HACL1: variants seen among roughly 807,000 people sequenced by gnomAD.
The protein encoded by HACL1 is 1600020H07Rik.
Under a neutral mutation model 74.2 loss-of-function variants are expected in HACL1, and 64 were observed. The observed-to-expected ratio is 0.86, with a 90% CI of 0.70 to 1.06. The LOEUF (loss-of-function observed/expected upper bound fraction) is 1.06. Ranked by LOEUF, HACL1 falls within the 50% of genes least tolerant of loss-of-function variation. HACL1 has a pLI of 0.00. For missense variants in HACL1, 728 were observed against 719.7 expected (o/e 1.01, Z -0.13); for synonymous variants, 230 against 238.8 (o/e 0.96, Z 0.34).
At chr3:15,568,119 C>T in intron 13 of HACL1, 117 bp from the exon 14 acceptor site, 2 of 875,142 alleles carry the variant, frequency 2.3e-6, no homozygotes, top group Non-Finnish European at 3.5e-6. Flanking sequence ...ACCATAAAAA[C>T]ATTCTCTTTC....
Position 15,568,444 on chromosome 3 carries a change from A to G in HACL1, c.1238T>C (p.Leu413Pro), listed in dbSNP as rs1483294331. Residue 413 changes from leucine (L) to proline (P), a missense_variant, in exon 13 of 17, where the codon CTT becomes CCT. By Grantham distance (98) the Leu-to-Pro change is moderately conservative (BLOSUM62 -3). Transcript: ENST00000321169. ...TTAGAAGTCTTACCTGTGACGAGGA[A>G]GGTAGTTCTGAAGCACAGTCCGTCC... ...DIGRTVLQNY[L>P]PRHRLDAGTF... The G allele has an allele frequency of 6.3e-7, 1 of 1,590,390 alleles. No homozygotes were observed. Among genetic ancestry groups the G allele is most frequent in the Non-Finnish European group, 8.6e-7 (1 of 1,167,112 alleles).
At chr3:15,595,219 A>T (rs1185148592) in intron 3 of HACL1, among the ~76,000 whole-genome samples, 1 of 152,222 alleles carries the variant, frequency 6.6e-6, no homozygotes, top group Non-Finnish European at 1.5e-5. Context: ...CTATAATTTA[A>T]ATGCTTTCCA....
rs1453839195 is a variant in HACL1, at chr3:15,583,108, T to A, written c.555-119A>T. On this transcript the variant is annotated intron_variant, in intron 7 of 16. Transcript: ENST00000321169. ...CAATAAATCTCCATACACCCCCATG[T>A]AGATCTAACAACTTAATATCATTTT... 6 of 567,526 alleles carry A rather than the reference T, an allele frequency of 1.1e-5. No homozygotes were observed. The African/African-American group carries it at 1.2e-4, about 11-fold the overall frequency. 35.2% of individuals were successfully genotyped at this position (567,526 alleles called of 1,614,324 possible). A position where few individuals can be genotyped will look rare whatever the true frequency, so the allele number is the denominator to read the frequency against.
At chr3:15,563,309 T>TTAAAAAA in intron 16 of HACL1, 49 bp downstream of exon 16, 1 of 1,245,612 alleles carries the variant, frequency 8.0e-7, no homozygotes, top group South Asian at 1.2e-5. Flanking sequence ...TGGAGGGGGA[T>TTAAAAAA]AGGGGAAGCA....
chr3:15,586,973 A>G (rs2063806628), intron 5 of HACL1, among the ~76,000 whole-genome samples: 1 of 152,230 alleles, frequency 6.6e-6, no homozygotes, highest in Non-Finnish European at 1.5e-5. Flanking sequence ...AATTTCACAG[A>G]TAAGAATATA....
chr3:15,600,640 C>G (rs148332145), intron 2 of HACL1, among the ~76,000 whole-genome samples: 13 of 152,224 alleles, frequency 8.5e-5, no homozygotes, highest in African/African-American at 3.1e-4. Flanking sequence ...TTGGCCTTCA[C>G]TCATTTATCC....
intron 3 of HACL1, among the ~76,000 whole-genome samples, chr3:15,593,975 T>C (rs1418439815): frequency 6.6e-6 from 1 of 152,076 alleles, no homozygotes; most frequent in Non-Finnish European, 1.5e-5. Context: ...TTTTTGTATT[T>C]TTAGTAGAGA....
intron 2 of HACL1, among the ~76,000 whole-genome samples, chr3:15,600,551 G>A (rs2064190423): frequency 1.3e-5 from 2 of 152,328 alleles, no homozygotes; most frequent in South Asian, 4.1e-4. Context: ...GCTAGGATCT[G>A]AGCCATCTGA....
At chr3:15,569,291 T>C (rs1219078283) in intron 12 of HACL1, among the ~76,000 whole-genome samples, 1 of 152,194 alleles carries the variant, frequency 6.6e-6, no homozygotes, top group Non-Finnish European at 1.5e-5. Flanking sequence ...GACCCTCCTA[T>C]ACTCCTGCAC....
Position 15,591,657 on chromosome 3 carries a change from G to C in HACL1, c.251C>G (p.Ser84Cys), listed in dbSNP as rs1223424216. Reference sequence around the variant, plus strand: ...CAAGGCATGGATGAGACCTGGGCCAGAAACAACAAGGCAGACTCCTGGCCT... The same window carrying C: ...CAAGGCATGGATGAGACCTGGGCCACAAACAACAAGGCAGACTCCTGGCCT... ...TSRPGVCLVV[S>C]GPGLIHALGG... is the part of the protein sequence containing the mutation. Residue 84 changes from serine to cysteine, a missense_variant, in exon 4 of 17, where the codon TCT (serine) becomes TGT (cysteine). Transcript: ENST00000321169. 2 of 1,611,788 alleles carry C rather than the reference G, an allele frequency of 1.2e-6. No homozygotes were observed. Among genetic ancestry groups the C allele is most frequent in the Non-Finnish European group, 8.5e-7 (1 of 1,178,192 alleles).
rs73148185 is a variant in HACL1 at position 15,593,609 on chromosome 3, C to T, written c.228-1929G>A. On this transcript the variant is annotated intron_variant, in intron 3 of 16. Coordinates refer to ENST00000321169, the MANE Select transcript of HACL1 (RefSeq NM_012260.4). ...CTCTAACCACTTATTTTGATCTGGA[C>T]TACATCTGGACTAAATCAAGTTAAT... Among the ~76,000 whole-genome samples the T allele has an allele frequency of 3.9e-3, 597 of 152,180 alleles. 4 individuals are homozygous for T. The highest frequency in any genetic ancestry group is 0.013 in the African/African-American group (547 of 41,514).
chr3:15,601,046 G>T, intron 2 of HACL1, 44 bp downstream of exon 2: 1 of 1,178,798 alleles, frequency 8.5e-7, no homozygotes, highest in Non-Finnish European at 1.3e-6. Flanking sequence ...CGCTATTACT[G>T]ATCATTCCCA....
intron 14 of HACL1, among the ~76,000 whole-genome samples, chr3:15,566,734 C>A (rs1290316597): frequency 2.9e-5 from 4 of 136,756 alleles, no homozygotes; most frequent in African/African-American, 1.1e-4. Flanking sequence ...ACTATTCCTA[C>A]TTTTTTTTTT....
chr3:15,574,811 T>C (rs1574918619), intron 10 of HACL1, among the ~76,000 whole-genome samples, 166 bp downstream of exon 10: 1 of 152,222 alleles, frequency 6.6e-6, no homozygotes, highest in Non-Finnish European at 1.5e-5. Flanking sequence ...AAAGGAAGCT[T>C]ATTTTGGTAC....
Position 15,568,558 on chromosome 3 carries a change from A to G in HACL1, c.1124T>C (p.Met375Thr). ...ATGGTAGAATACTGTGTAATAATTC[A>G]TAGGCAGGGATTTTTTAGAAGCTAG... ...KELASKKSLP[M>T]NYYTVFYHVQ... The change falls in exon 13 of 17, where the codon ATG becomes ACG. Residue 375 changes from methionine (M) to threonine (T), a missense_variant. Transcript: ENST00000321169. 6.4e-7 allele frequency: 1 copy of G among 1,565,330 alleles called. No individual in the cohort carries two copies. The highest frequency in any genetic ancestry group is 8.7e-7 in the Non-Finnish European group (1 of 1,146,434).
chr3:15,566,175 A>G (rs1391423093), intron 14 of HACL1, among the ~76,000 whole-genome samples: 1 of 152,222 alleles, frequency 6.6e-6, no homozygotes, highest in East Asian at 1.9e-4. Context: ...CCAAAACATG[A>G]TTCACAAAAG....
rs757058082 is a variant in HACL1 at position 15,585,301 on chromosome 3, A to G, written c.501T>C (p.Tyr167=). The change falls in exon 7 of 17, where the codon TAT becomes TAC. Residue 167 remains tyrosine (Y), a synonymous_variant. Transcript: ENST00000321169. ...TCACAAAATCTGCTGGTATGTCAAC[A>G]TAGCAAGCACCTGGACGACCATAGA... ...SSIYGRPGAC[Y]VDIPADFVNL... 2 of 1,606,820 alleles carry G rather than the reference A, an allele frequency of 1.2e-6. No homozygotes were observed. The highest frequency in any genetic ancestry group is 4.5e-5 in the East Asian group (2 of 44,814).
chr3:15,601,376 A>T lies in HACL1; in HGVS notation c.81+7T>A. On this transcript the variant is annotated splice_region_variant and intron_variant, in intron 1 of 16. Transcript: ENST00000321169. Reference sequence around the variant, plus strand: ...GGAGCCTTTCATTCCAGGAAGGTCCATCGTACTTGCGTTTTCAGGGCCTGA... The same window carrying T: ...GGAGCCTTTCATTCCAGGAAGGTCCTTCGTACTTGCGTTTTCAGGGCCTGA... The T allele has an allele frequency of 6.2e-7, 1 of 1,614,142 alleles. No individual in the cohort carries two copies. Among genetic ancestry groups the T allele is most frequent in the Non-Finnish European group, 8.5e-7 (1 of 1,180,024 alleles).
Position 15,596,429 on chromosome 3 carries a change from G to T in HACL1, c.187-5C>A. The T allele has an allele frequency of 1.3e-6, 2 of 1,585,524 alleles. No individual in the cohort carries two copies. The highest frequency in any genetic ancestry group is 8.7e-7 in the Non-Finnish European group (1 of 1,154,140). On this transcript the variant is annotated splice_region_variant and splice_polypyrimidine_tract_variant and intron_variant, in intron 2 of 16. Transcript: ENST00000321169. Reference sequence around the variant, plus strand: ...CGCGGAGGCAGCATAACAAGCCTACGAGAAAACAACACTGGGACTTGAGCA... The same window carrying T: ...CGCGGAGGCAGCATAACAAGCCTACTAGAAAACAACACTGGGACTTGAGCA...
Sources: allele counts gnomAD v4.1 joint callset (sites outside exome capture counted in the v4.1 genomes callset), GRCh38; gene constraint gnomAD v4.1.1; transcripts MANE v1.5; gene names NCBI Gene and HGNC (gene_info 2026-07-23, HGNC 2026-07-21).